The following SOD2 variants were observed in gnomAD, a reference collection of about 807,000 sequenced individuals.
The protein encoded by SOD2 is superoxide dismutase [Mn], mitochondrial.
SOD2 carries 11 observed loss-of-function variants against 27.0 expected under a neutral mutation model. The ratio of observed to expected loss-of-function variants is 0.41; its 90% CI spans 0.26 to 0.67. The LOEUF (loss-of-function observed/expected upper bound fraction) is 0.67, where lower values mean the gene tolerates loss of function less well. SOD2 is among the 30% of genes least tolerant of loss of function. The probability of loss-of-function intolerance (pLI) is 0.34; values close to 1 mark genes in which losing one functional copy is unlikely to be tolerated. For missense variants in SOD2, 250 were observed against 274.5 expected (o/e 0.91, Z 0.63); for synonymous variants, 105 against 103.0 (o/e 1.02, Z -0.12).
At chr6:159,721,354 AC>A in intron 1 of SOD2, among the ~76,000 whole-genome samples, 1 of 146,038 alleles carries the variant, frequency 6.8e-6, no homozygotes, top group South Asian at 2.2e-4. Flanking sequence ...GGCATGAGCC[AC>A]CGTGCCCAGC....
At chr6:159,750,330 A>G (rs976433390) in intron 1 of SOD2, among the ~76,000 whole-genome samples, 2 of 152,218 alleles carry the variant, frequency 1.3e-5, no homozygotes, top group Non-Finnish European at 1.5e-5. Flanking sequence ...TGACACTTAG[A>G]TAACAGTCAT....
At chr6:159,757,611 C>G (rs1780042615) in intron 1 of SOD2, among the ~76,000 whole-genome samples, 1 of 152,062 alleles carries the variant, frequency 6.6e-6, no homozygotes, top group Admixed American at 6.5e-5. Flanking sequence ...TGAGGTTTCA[C>G]TGTGTTGGCC....
At chr6:159,748,870 G>A (rs972812649), upstream of SOD2, 13 of 1,205,860 alleles carry the variant, frequency 1.1e-5, no homozygotes, top group African/African-American at 1.9e-4. This position sits in a 1 kb window ranked among gnomAD's most constrained non-coding sequence, Gnocchi z 5.6. Flanking sequence ...CTGTGTATCA[G>A]TTTTGCCAAT....
intron 1 of SOD2, chr6:159,742,178 A>G (rs1779296884): frequency 2.6e-6 from 4 of 1,517,186 alleles, no homozygotes; most frequent in African/African-American, 2.8e-5. Context: ...CTAAAGACTG[A>G]ATAATCTCCT....
intron 1 of SOD2, chr6:159,741,949 C>G: frequency 1.5e-6 from 1 of 656,404 alleles, no homozygotes; most frequent in Non-Finnish European, 2.6e-6. Context: ...GAGACTCTGT[C>G]TAAAAAAAAC....
exon 1 of SOD2, chr6:159,762,128 C>T (rs370818258): frequency 1.6e-5 from 25 of 1,612,252 alleles, no homozygotes; most frequent in Non-Finnish European, 2.1e-5. Context: ...GTCTCGGCGG[C>T]GCGGACCATC....
intron 1 of SOD2, chr6:159,712,685 A>T: frequency 2.9e-6 from 1 of 347,206 alleles, no homozygotes; most frequent in Non-Finnish European, 5.7e-6. Flanking sequence ...CTCCATAACC[A>T]CGACTCAGCT....
At chr6:159,699,817 C>G (rs892528940) in intron 1 of SOD2, among the ~76,000 whole-genome samples, 7 of 152,030 alleles carry the variant, frequency 4.6e-5, no homozygotes, top group Admixed American at 4.6e-4. Context: ...GCACTCCACA[C>G]TGTACATCTA....
chr6:159,688,192 C>T lies in SOD2; in HGVS notation c.277G>A (p.Gly93Ser). 1 of 1,613,978 alleles carries T rather than the reference C, an allele frequency of 6.2e-7. No homozygotes were observed. The highest frequency in any genetic ancestry group is 8.5e-7 in the Non-Finnish European group (1 of 1,179,846). The part of the protein sequence containing the change: ...ALQPALKFNG[G>S]GHINHSIFWT... Reference sequence around the variant, plus strand: ...AAAATGCTATGATTGATATGACCACCACCATTGAACTTCAGTGCAGGCTGA... The same window carrying T: ...AAAATGCTATGATTGATATGACCACTACCATTGAACTTCAGTGCAGGCTGA... Residue 93 changes from glycine (G) to serine (S), a missense_variant, in exon 3 of 5, where the codon GGT (glycine) becomes AGT (serine). By Grantham distance (56) the Gly-to-Ser change is moderately conservative. Coordinates refer to ENST00000538183, the MANE Select transcript of SOD2 (RefSeq NM_000636.4).
At chr6:159,712,034 C>CTG in intron 1 of SOD2, among the ~76,000 whole-genome samples, 1 of 40,068 alleles carries the variant, frequency 2.5e-5, no homozygotes, top group African/African-American at 8.0e-5. Context: ...TCACACTGCT[C>CTG]AGACCTCCAT....
intron 1 of SOD2, among the ~76,000 whole-genome samples, chr6:159,733,189 A>G (rs1778694560): frequency 6.6e-6 from 1 of 152,102 alleles, no homozygotes; most frequent in Admixed American, 6.6e-5. Context: ...AGAATAATAT[A>G]CATTTTATAT....
At chr6:159,711,662 CAT>C (rs1392421638) in intron 1 of SOD2, among the ~76,000 whole-genome samples, 1 of 45,756 alleles carries the variant, frequency 2.2e-5, no homozygotes, top group Non-Finnish European at 4.3e-5. Flanking sequence ...CCACCACTCA[CAT>C]TGCTCTGATC....
upstream of SOD2, chr6:159,727,702 A>C (rs1220769836): frequency 3.0e-6 from 3 of 984,478 alleles, no homozygotes; most frequent in East Asian, 2.3e-4. Context: ...CTGCCTGGAG[A>C]GGTAGGCGCG....
At chr6:159,693,245 G>T, upstream of SOD2, 1 of 1,366,132 alleles carries the variant, frequency 7.3e-7, no homozygotes, top group Non-Finnish European at 9.9e-7. Context: ...CACGAGTGCC[G>T]CTCCTGCGCC....
chr6:159,754,098 T>C (rs1287241923), intron 1 of SOD2, among the ~76,000 whole-genome samples: 1 of 152,238 alleles, frequency 6.6e-6, no homozygotes, highest in African/African-American at 2.4e-5. Flanking sequence ...CCATCCTTTT[T>C]AGTGCAAGTG....
intron 2 of SOD2, among the ~76,000 whole-genome samples, chr6:159,690,487 T>C (rs1367948376): frequency 6.6e-6 from 1 of 152,072 alleles, no homozygotes; most frequent in Non-Finnish European, 1.5e-5. Flanking sequence ...TAGACAATGC[T>C]GCTTTCTGAA....
chr6:159,704,305 T>C (rs1282743486), intron 1 of SOD2, among the ~76,000 whole-genome samples: 3 of 152,140 alleles, frequency 2.0e-5, no homozygotes, highest in Non-Finnish European at 2.9e-5. Flanking sequence ...GAGCACTGAG[T>C]GTGAGCCGAA....
rs1064563 is a variant in SOD2 at position 159,682,386 on chromosome 6, A to G, written c.*107T>C. ...TGTTTATGAAATAAGTGACTAAGCA[A>G]CATCAAGAAATGCTACAATAGAGCA... On this transcript the variant is annotated 3_prime_UTR_variant, in exon 5 of 5. Coordinates refer to ENST00000538183, the MANE Select transcript of SOD2 (RefSeq NM_000636.4). 3.4e-6 allele frequency: 3 copies of G among 876,674 alleles called. No homozygotes were observed. Among genetic ancestry groups the G allele is most frequent in the Non-Finnish European group, 4.9e-6 (3 of 610,854 alleles). 54.3% of individuals were successfully genotyped at this position (876,674 alleles called of 1,614,324 possible). A position where few individuals can be genotyped will look rare whatever the true frequency, so the allele number is the denominator to read the frequency against.
chr6:159,682,901 C>T (rs1226137926), intron 4 of SOD2, among the ~76,000 whole-genome samples: 1 of 152,086 alleles, frequency 6.6e-6, no homozygotes. Context: ...ACTTTAATAG[C>T]TATTCTTAAA....
Sources: gnomAD v4.1 joint callset for allele counts (sites outside exome capture counted in the v4.1 genomes callset) on GRCh38, gnomAD v4.1.1 for gene constraint, Gnocchi (gnomAD v3.1) non-coding constraint, MANE v1.5 for transcripts, NCBI Gene and HGNC (gene_info 2026-07-23, HGNC 2026-07-21) for gene names.